Variants in GRWD1 observed in about 807,000 individuals in gnomAD.
GRWD1 encodes the protein glutamate rich WD repeat containing 1.
GRWD1 carries 29 observed loss-of-function variants against 45.3 expected under a neutral mutation model. The ratio of observed to expected loss-of-function variants is 0.64; its 90% CI spans 0.48 to 0.87. The LOEUF (loss-of-function observed/expected upper bound fraction) is 0.87. Among genes scored for constraint, GRWD1 ranks in the 40% least tolerant of loss-of-function variants. The pLI, the probability that GRWD1 is intolerant of heterozygous loss-of-function variation, is 0.00. For synonymous variants in GRWD1, 262 were observed against 257.6 expected (o/e 1.02, Z -0.16); for missense variants, 592 against 618.8 (o/e 0.96, Z 0.46).
At position 48,446,195 on chromosome 19, in the gene GRWD1, A is replaced by G. The variant is rs113956511; in HGVS notation, c.187+3A>G. 6.3e-7 allele frequency: 1 copy of G among 1,594,460 alleles called. No homozygotes were observed. Among genetic ancestry groups the G allele is most frequent in the Middle Eastern group, 1.7e-4 (1 of 5,956 alleles). On this transcript the variant is annotated splice_donor_region_variant and intron_variant, in intron 1 of 6. Coordinates refer to ENST00000253237, the MANE Select transcript of GRWD1 (RefSeq NM_031485.4). ...GCTCTACCACCGAGCGCAGACTGGT[A>G]GGGCTGAGTCCGGACTCCAGGGTCC...
In GRWD1 at chr19:48,450,554, CG is replaced by C. The variant is rs1206179290; in HGVS notation, c.682+31del. On this transcript the variant is annotated intron_variant, in intron 4 of 6. Coordinates refer to ENST00000253237, the MANE Select transcript of GRWD1 (RefSeq NM_031485.4). This position sits in a 1 kb window ranked among gnomAD's most constrained non-coding sequence, Gnocchi z 5.1. ...GAGTCCCTGGGGTGTTCAGGAGTCCCGGGAGGTCGGGGGAGCAGGGTCTGCA... is the reference window on the plus strand; with the variant it reads ...GAGTCCCTGGGGTGTTCAGGAGTCCCGGAGGTCGGGGGAGCAGGGTCTGCA... 1.9e-6 allele frequency: 3 copies of C among 1,612,356 alleles called. No homozygotes were observed. The African/African-American group carries it at 4.0e-5, about 22-fold the overall frequency.
Position 48,454,232 on chromosome 19 carries a change from T to G in GRWD1, c.*1207T>G, listed in dbSNP as rs1260806880. ...TCTCCCCTTTATCACGTTTCTTTCTTTCTTCTCTGTGTCCCCCTCTTTCAG... is the reference window on the plus strand; with the variant it reads ...TCTCCCCTTTATCACGTTTCTTTCTGTCTTCTCTGTGTCCCCCTCTTTCAG... On this transcript the variant is annotated 3_prime_UTR_variant, in exon 7 of 7. Transcript: ENST00000253237. The G allele has an allele frequency of 6.6e-6, 1 of 152,074 alleles. No individual in the cohort carries two copies. The highest frequency in any genetic ancestry group is 1.5e-5 in the Non-Finnish European group (1 of 68,128). The allele number at this position is 152,074 out of a possible 1,614,324, so 9.4% of individuals were successfully genotyped here.
At chr19:48,449,725 G>T (rs1207060356) in intron 3 of GRWD1, among the ~76,000 whole-genome samples, 6 of 152,180 alleles carry the variant, frequency 3.9e-5, no homozygotes, top group African/African-American at 1.4e-4. Flanking sequence ...GGAGGCTGAG[G>T]TGAGAGGATC....
Position 48,450,188 on chromosome 19 carries a change from C to A in GRWD1, c.469-125C>A. On this transcript the variant is annotated intron_variant, in intron 3 of 6. Transcript: ENST00000253237. This position sits in a 1 kb window ranked among gnomAD's most constrained non-coding sequence, Gnocchi z 5.1. ...CACAGAGGTTTCAAGGAGCTGTAGT[C>A]CCAGGCCTGGGAGATCTGAGGAAGC... is the stretch of plus-strand genomic sequence containing the variant. 1.5e-6 allele frequency: 1 copy of A among 670,456 alleles called. No homozygotes were observed. Among genetic ancestry groups the A allele is most frequent in the South Asian group, 1.7e-5 (1 of 59,946 alleles). 41.5% of individuals were successfully genotyped at this position (670,456 alleles called of 1,614,324 possible). A position where few individuals can be genotyped will look rare whatever the true frequency, so the allele number is the denominator to read the frequency against.
At chr19:48,447,902 T>A (rs1310569590) in intron 3 of GRWD1, among the ~76,000 whole-genome samples, 1 of 152,136 alleles carries the variant, frequency 6.6e-6, no homozygotes, top group African/African-American at 2.4e-5. Flanking sequence ...CTGGTTGTAA[T>A]ATGAGGTATG....
rs1025348683 is a variant in GRWD1, at chr19:48,451,029, C to G, written c.826-5C>G. On this transcript the variant is annotated splice_region_variant and splice_polypyrimidine_tract_variant and intron_variant, in intron 5 of 6. Coordinates refer to ENST00000253237, the MANE Select transcript of GRWD1 (RefSeq NM_031485.4). Reference sequence around the variant, plus strand: ...TTGGGACCACTCAGACTCCGCCTCCCCCAGGTGTTTGCCTCCTGCTCAGCT... The same window carrying G: ...TTGGGACCACTCAGACTCCGCCTCCGCCAGGTGTTTGCCTCCTGCTCAGCT... 6.2e-7 allele frequency: 1 copy of G among 1,612,156 alleles called. No homozygotes were observed. The highest frequency in any genetic ancestry group is 8.5e-7 in the Non-Finnish European group (1 of 1,179,080).
At position 48,446,132 on chromosome 19, in the gene GRWD1, G is replaced by T. The variant is rs1225307953; in HGVS notation, c.127G>T (p.Glu43Ter). ...YLPGRGPPLR[E>*]GEELVMDEEA... ...GCCCGGCCGGGGGCCGCCGCTACGC[G>T]AAGGGGAGGAGCTGGTCATGGACGA... Residue 43 changes from glutamate to a stop codon, truncating the protein, a stop_gained, in exon 1 of 7, where the codon GAA (glutamate) becomes TAA (stop). Coordinates refer to ENST00000253237, the MANE Select transcript of GRWD1 (RefSeq NM_031485.4). LOFTEE classifies it high-confidence loss of function. The T allele has an allele frequency of 2.5e-6, 4 of 1,607,830 alleles. No individual in the cohort carries two copies. Among genetic ancestry groups the T allele is most frequent in the Admixed American group, 1.7e-5 (1 of 58,368 alleles).
rs1252529554 is a variant in GRWD1, at chr19:48,452,926, G to C, written c.1242G>C (p.Glu414Asp). 1 of 1,611,924 alleles carries C rather than the reference G, an allele frequency of 6.2e-7. No individual in the cohort carries two copies. Among genetic ancestry groups the C allele is most frequent in the African/African-American group, 1.3e-5 (1 of 74,936 alleles). Residue 414 changes from glutamate to aspartate, a missense_variant, in exon 7 of 7, where the codon GAG (glutamate) becomes GAC (aspartate). Physicochemically the swap from Glu to Asp is conservative, Grantham distance 45. Transcript: ENST00000253237. The surrounding 1 kb of genome is among the most constrained non-coding windows in gnomAD (Gnocchi z 5.1). ...PQQLLFVHQG[E>D]TELKELHWHP... ...AGCTGCTGTTCGTGCACCAGGGCGA[G>C]ACCGAGCTGAAGGAGCTGCACTGGC...
intron 3 of GRWD1, among the ~76,000 whole-genome samples, chr19:48,447,799 C>T (rs771119303): frequency 2.0e-5 from 3 of 152,194 alleles, no homozygotes; most frequent in Non-Finnish European, 2.9e-5. Flanking sequence ...ATGTTCTTCA[C>T]TTTTCTCTTT....
intron 6 of GRWD1, 96 bp downstream of exon 6, chr19:48,451,327 A>C: frequency 9.0e-7 from 1 of 1,107,588 alleles, no homozygotes; most frequent in Non-Finnish European, 1.3e-6. Flanking sequence ...GTTTTACACA[A>C]CCAGAGCTGG....
rs1971401283 is a variant in GRWD1 at position 48,446,300 on chromosome 19, C to T, written c.188-85C>T. On this transcript the variant is annotated intron_variant, in intron 1 of 6. Coordinates refer to ENST00000253237, the MANE Select transcript of GRWD1 (RefSeq NM_031485.4). ...GGGGTCTAAGAGAAGTGATTTCATA[C>T]CGGAGGCGGTTGATCCATGAGGGAG... The T allele has an allele frequency of 1.9e-6, 3 of 1,554,122 alleles. No individual in the cohort carries two copies. In the Admixed American group the frequency reaches 5.1e-5, roughly 27 times the overall value.
rs1971469395 is a variant in GRWD1, at chr19:48,451,021, C to T, written c.826-13C>T. Reference sequence around the variant, plus strand: ...GGGGGGCATTGGGACCACTCAGACTCCGCCTCCCCCAGGTGTTTGCCTCCT... The same window carrying T: ...GGGGGGCATTGGGACCACTCAGACTTCGCCTCCCCCAGGTGTTTGCCTCCT... On this transcript the variant is annotated splice_polypyrimidine_tract_variant and intron_variant, in intron 5 of 6. Coordinates refer to ENST00000253237, the MANE Select transcript of GRWD1 (RefSeq NM_031485.4). 1 of 1,609,226 alleles carries T rather than the reference C, an allele frequency of 6.2e-7. No homozygotes were observed. Among genetic ancestry groups the T allele is most frequent in the Non-Finnish European group, 8.5e-7 (1 of 1,177,374 alleles).
intron 1 of GRWD1, 40 bp from the exon 2 acceptor site, chr19:48,446,345 T>A (rs1475296457): frequency 1.3e-6 from 2 of 1,585,784 alleles, no homozygotes; most frequent in African/African-American, 1.3e-5. Context: ...GAGCTCTTAC[T>A]GTCCCGTCTT....
At position 48,450,737 on chromosome 19, in the gene GRWD1, G is replaced by A. The variant is rs760608266; in HGVS notation, c.754G>A (p.Val252Met). The change falls in exon 5 of 7, where the codon GTG becomes ATG. Residue 252 changes from valine (V) to methionine (M), a missense_variant. Transcript: ENST00000253237. This position sits in a 1 kb window ranked among gnomAD's most constrained non-coding sequence, Gnocchi z 5.1. ...ACCTACGGACGGCGGCTCCTGGCAC[G>A]TGGACCAGCGGCCATTCGTGGGCCA... is the stretch of plus-strand genomic sequence containing the variant. Reference protein sequence around the residue: ...WTPTDGGSWHVDQRPFVGHTR... With the variant: ...WTPTDGGSWHMDQRPFVGHTR... 3.1e-6 allele frequency: 5 copies of A among 1,614,090 alleles called. No homozygotes were observed. Among genetic ancestry groups the A allele is most frequent in the East Asian group, 4.5e-5 (2 of 44,876 alleles).
chr19:48,448,458 C>G (rs1971435897), intron 3 of GRWD1, among the ~76,000 whole-genome samples: 1 of 152,190 alleles, frequency 6.6e-6, no homozygotes, highest in African/African-American at 2.4e-5. Context: ...GCTCCATCAA[C>G]TTACACACTA....
In GRWD1 at chr19:48,450,783, T is replaced by A; in HGVS notation, c.800T>A (p.Leu267Gln). 1 of 1,613,960 alleles carries A rather than the reference T, an allele frequency of 6.2e-7. No homozygotes were observed. The highest frequency in any genetic ancestry group is 1.1e-5 in the South Asian group (1 of 91,066). ...GGCCACACACGCTCTGTGGAGGACC[T>A]GCAGTGGTCACCGACTGAGAACACG... The part of the protein sequence containing the change: ...FVGHTRSVED[L>Q]QWSPTENTVF... The change falls in exon 5 of 7, where the codon CTG becomes CAG. Residue 267 changes from leucine (L) to glutamine (Q), a missense_variant. Leu to Gln is a moderately radical substitution (Grantham distance 113). Transcript: ENST00000253237. This position sits in a 1 kb window ranked among gnomAD's most constrained non-coding sequence, Gnocchi z 5.1.
chr19:48,448,821 C>T (rs1470927578), intron 3 of GRWD1, among the ~76,000 whole-genome samples: 2 of 152,064 alleles, frequency 1.3e-5, no homozygotes, highest in South Asian at 2.1e-4. Flanking sequence ...ATTTGGGGAG[C>T]GGGCACAGAG....
chr19:48,452,960 T>A lies in GRWD1; in HGVS notation c.1276T>A (p.Cys426Ser). ...ELKELHWHPQ[C>S]PGLLVSTALS... is the part of the protein sequence containing the mutation. ...GAAGGAGCTGCACTGGCACCCGCAG[T>A]GCCCAGGGCTCCTGGTCAGCACGGC... Residue 426 changes from cysteine (C) to serine (S), a missense_variant, in exon 7 of 7, where the codon TGC (cysteine) becomes AGC (serine). Transcript: ENST00000253237. The surrounding 1 kb of genome is among the most constrained non-coding windows in gnomAD (Gnocchi z 5.1). 6.2e-7 allele frequency: 1 copy of A among 1,611,632 alleles called. No individual in the cohort carries two copies. The highest frequency in any genetic ancestry group is 2.2e-5 in the East Asian group (1 of 44,824).
chr19:48,446,387 G>C lies in GRWD1; in HGVS notation c.190G>C (p.Ala64Pro). 4 of 1,613,898 alleles carry C rather than the reference G, an allele frequency of 2.5e-6. No individual in the cohort carries two copies. The highest frequency in any genetic ancestry group is 3.4e-6 in the Non-Finnish European group (4 of 1,179,834). Residue 64 changes from alanine (A) to proline (P), a missense_variant and splice_region_variant, in exon 2 of 7, where the codon GCC (alanine) becomes CCC (proline). Physicochemically the swap from Ala to Pro is conservative, Grantham distance 27. Coordinates refer to ENST00000253237, the MANE Select transcript of GRWD1 (RefSeq NM_031485.4). ...TAAACCCCGCCTTCCATCCCCAGGC[G>C]CCCCCTGTCTCAGCTTTGACATAGT... is the stretch of plus-strand genomic sequence containing the variant. ...YVLYHRAQTG[A>P]PCLSFDIVRD... is the part of the protein sequence containing the mutation.
Sources: allele counts gnomAD v4.1 joint callset (sites outside exome capture counted in the v4.1 genomes callset), GRCh38; gene constraint gnomAD v4.1.1; non-coding constraint Gnocchi (gnomAD v3.1); transcripts MANE v1.5; gene names NCBI Gene and HGNC (gene_info 2026-07-23, HGNC 2026-07-21).